SCHIP1: variants seen among roughly 807,000 people sequenced by gnomAD.
SCHIP1 encodes the protein schwannomin-interacting protein 1.
Under a neutral mutation model 29.7 loss-of-function variants are expected in SCHIP1, and 8 were observed. That is an observed-to-expected ratio of 0.27 (90% CI 0.16 to 0.49). The LOEUF (loss-of-function observed/expected upper bound fraction) is 0.49. SCHIP1 is among the 20% of genes least tolerant of loss of function. SCHIP1 has a pLI of 0.99. For synonymous variants in SCHIP1, 76 were observed against 94.9 expected (o/e 0.80, Z 1.16); for missense variants, 193 against 294.6 (o/e 0.66, Z 2.52).
chr3:159,468,789 T>C, the SCHIP1 span, among the ~76,000 whole-genome samples: 6 of 144,990 alleles, frequency 4.1e-5, no homozygotes, highest in Non-Finnish European at 6.0e-5. Context: ...TTTTTTTAGA[T>C]GGAGTCTCAC....
chr3:159,504,253 T>A, the SCHIP1 span, among the ~76,000 whole-genome samples: 3 of 152,170 alleles, frequency 2.0e-5, no homozygotes, highest in Admixed American at 6.6e-5. Flanking sequence ...CTGGAGATTA[T>A]AAGTGTCGTG....
At chr3:159,811,653 C>T in the SCHIP1 span, among the ~76,000 whole-genome samples, 2 of 152,206 alleles carry the variant, frequency 1.3e-5, no homozygotes, top group Non-Finnish European at 2.9e-5. Flanking sequence ...CATGTCTACC[C>T]TTATGCCAGT....
chr3:159,438,033 T>C, the SCHIP1 span, among the ~76,000 whole-genome samples: 5 of 152,250 alleles, frequency 3.3e-5, no homozygotes, highest in African/African-American at 1.2e-4. Flanking sequence ...GATGATTTCA[T>C]ATATGTAAAG....
the SCHIP1 span, among the ~76,000 whole-genome samples, chr3:159,609,645 GT>G: frequency 6.6e-6 from 1 of 152,056 alleles, no homozygotes; most frequent in South Asian, 2.1e-4. Flanking sequence ...CTCCAGCCCT[GT>G]CCCTTCCCAC....
At chr3:159,328,501 G>A in the SCHIP1 span, among the ~76,000 whole-genome samples, 4 of 151,792 alleles carry the variant, frequency 2.6e-5, no homozygotes, top group Admixed American at 1.3e-4. Context: ...AAAAGGCTAT[G>A]TAGAGGGTGG....
the SCHIP1 span, among the ~76,000 whole-genome samples, chr3:159,385,517 A>G: frequency 2.6e-5 from 4 of 151,514 alleles, no homozygotes; most frequent in Admixed American, 2.6e-4. Context: ...AGATCACACT[A>G]CTGTACTTCA....
the SCHIP1 span, among the ~76,000 whole-genome samples, chr3:159,590,764 C>A: frequency 2.6e-5 from 4 of 152,212 alleles, no homozygotes; most frequent in African/African-American, 9.6e-5. Context: ...ATTTCTAACT[C>A]TTCCAGTTTA....
the SCHIP1 span, among the ~76,000 whole-genome samples, chr3:159,707,402 T>A: frequency 6.6e-6 from 1 of 152,176 alleles, no homozygotes; most frequent in Non-Finnish European, 1.5e-5. Context: ...GAAAAATATA[T>A]ATTTCACAGG....
the SCHIP1 span, among the ~76,000 whole-genome samples, chr3:159,411,142 T>G: frequency 2.0e-5 from 3 of 151,580 alleles, no homozygotes; most frequent in African/African-American, 7.3e-5. Flanking sequence ...GGTATTGTGG[T>G]GGGGGAGGGG....
chr3:159,387,922 A>AT, the SCHIP1 span, among the ~76,000 whole-genome samples: 15 of 152,334 alleles, frequency 9.8e-5, no homozygotes, highest in African/African-American at 3.6e-4. Flanking sequence ...AAATTCAGTT[A>AT]TCTCAATAGT....
chr3:159,328,854 A>G, the SCHIP1 span, among the ~76,000 whole-genome samples: 1 of 152,298 alleles, frequency 6.6e-6, no homozygotes, highest in Middle Eastern at 3.4e-3. Flanking sequence ...AATGGGATGC[A>G]CTGCACATTT....
chr3:159,787,362 C>T, the SCHIP1 span, among the ~76,000 whole-genome samples: 2 of 152,156 alleles, frequency 1.3e-5, no homozygotes, highest in Admixed American at 1.3e-4. Flanking sequence ...CACACTTTAC[C>T]CCACATACAT....
the SCHIP1 span, among the ~76,000 whole-genome samples, chr3:159,577,039 A>C: frequency 4.6e-5 from 7 of 152,188 alleles, 1 homozygote; most frequent in East Asian, 1.9e-4. Context: ...ATTTTTTGTT[A>C]TAATAGTTAA....
intron 4 of SCHIP1, 33 bp from the exon 6 acceptor site, chr3:159,888,787 C>G (rs1186837433): frequency 8.1e-6 from 13 of 1,611,008 alleles, no homozygotes; most frequent in Non-Finnish European, 1.1e-5. Flanking sequence ...TGGCTCTGTT[C>G]ACTCCTCCAT....
chr3:159,419,337 A>T, the SCHIP1 span, among the ~76,000 whole-genome samples: 2 of 152,016 alleles, frequency 1.3e-5, no homozygotes, highest in Non-Finnish European at 2.9e-5. Context: ...CACACAGAGG[A>T]CTCCCAATAG....
chr3:159,328,957 G>A, the SCHIP1 span, among the ~76,000 whole-genome samples: 1 of 152,158 alleles, frequency 6.6e-6, no homozygotes, highest in East Asian at 1.9e-4. Context: ...GGAATGATAT[G>A]TGGATAAAAT....
At chr3:159,720,109 T>C in the SCHIP1 span, among the ~76,000 whole-genome samples, 3 of 152,122 alleles carry the variant, frequency 2.0e-5, no homozygotes. Context: ...ACCATCATTC[T>C]GAGCAAACTA....
chr3:159,691,534 C>T, the SCHIP1 span, among the ~76,000 whole-genome samples: 4 of 151,052 alleles, frequency 2.6e-5, no homozygotes, highest in South Asian at 4.2e-4. Flanking sequence ...GCACACCAAT[C>T]GGTCTTGACT....
chr3:159,688,063 G>A, the SCHIP1 span, among the ~76,000 whole-genome samples: 1 of 152,188 alleles, frequency 6.6e-6, no homozygotes, highest in East Asian at 1.9e-4. Context: ...GTAAATGTAT[G>A]TGTGTACGTG....
Sources: gnomAD v4.1 joint callset for allele counts (sites outside exome capture counted in the v4.1 genomes callset) on GRCh38, gnomAD v4.1.1 for gene constraint, MANE v1.5 for transcripts, NCBI Gene and HGNC (gene_info 2026-07-23, HGNC 2026-07-21) for gene names.